The following FRY variants were observed in gnomAD, a reference collection of about 807,000 sequenced individuals.
The protein encoded by FRY is FRY microtubule binding protein.
In FRY, 128 loss-of-function variants were observed where a neutral mutation model predicts 348.4. The ratio of observed to expected loss-of-function variants is 0.37; its 90% CI spans 0.32 to 0.43. FRY has a LOEUF of 0.43. Among genes scored for constraint, FRY ranks in the 20% least tolerant of loss-of-function variants. The pLI, the probability that FRY is intolerant of heterozygous loss-of-function variation, is 1.00. For synonymous variants in FRY, 1,370 were observed against 1,374.7 expected, an observed-to-expected ratio of 1.00 and a Z score of 0.08; for missense variants, 2,736 against 3,695.2, an observed-to-expected ratio of 0.74 and a Z score of 6.73.
rs1470630464 is a variant in FRY, at chr13:32,147,561, T to A, written c.1283+176T>A. Among the ~76,000 whole-genome samples, 3 of 152,214 alleles carry A rather than the reference T, an allele frequency of 2.0e-5. No homozygotes were observed. In the East Asian group the frequency reaches 5.8e-4, roughly 29 times the overall value. On this transcript the variant is annotated intron_variant, in intron 12 of 60. Transcript: ENST00000542859. ...CCATAGTCATTGGCTCAACACCCAT[T>A]ACAAAAGCTCCAGCCTCTACCAGGA...
intron 58 of FRY, among the ~76,000 whole-genome samples, chr13:32,281,531 G>A (rs1409513091): frequency 2.6e-5 from 4 of 152,176 alleles, no homozygotes; most frequent in African/African-American, 4.8e-5. Flanking sequence ...AATGATGGAA[G>A]GGCAAATTCT....
chr13:32,238,045 G>C (rs1886307490), intron 44 of FRY, 59 bp downstream of exon 44: 1 of 1,579,334 alleles, frequency 6.3e-7, no homozygotes, highest in African/African-American at 1.3e-5. Flanking sequence ...TCATCATTTG[G>C]TACAATAAGA....
At chr13:32,122,239 C>T (rs1878705725) in intron 4 of FRY, among the ~76,000 whole-genome samples, 1 of 151,976 alleles carries the variant, frequency 6.6e-6, no homozygotes, top group Non-Finnish European at 1.5e-5. Flanking sequence ...GTCAGAAGAT[C>T]GAGACCATCC....
chr13:32,103,480 G>T (rs1329415399), intron 3 of FRY, among the ~76,000 whole-genome samples: 1 of 152,182 alleles, frequency 6.6e-6, no homozygotes, highest in Non-Finnish European at 1.5e-5. Context: ...CACAGGAAGG[G>T]GAACATCACA....
intron 20 of FRY, among the ~76,000 whole-genome samples, chr13:32,177,437 T>C (rs995607801): frequency 2.0e-5 from 3 of 151,780 alleles, no homozygotes; most frequent in African/African-American, 7.3e-5. Context: ...TAAAAAATAA[T>C]ACAAAAATTA....
chr13:32,274,434 G>A (rs1164701551), intron 55 of FRY, among the ~76,000 whole-genome samples: 1 of 152,060 alleles, frequency 6.6e-6, no homozygotes, highest in Non-Finnish European at 1.5e-5. Context: ...AGGGCCAGAC[G>A]CAGTGGCTCA....
At chr13:32,044,106 A>T (rs1464693095) in intron 1 of FRY, among the ~76,000 whole-genome samples, 2 of 152,238 alleles carry the variant, frequency 1.3e-5, no homozygotes, top group African/African-American at 4.8e-5. Flanking sequence ...CTATTGAATT[A>T]TGCTGTTAGG....
chr13:32,276,573 G>T lies in FRY; in HGVS notation c.8385+11G>T. On this transcript the variant is annotated intron_variant, in intron 57 of 60. Transcript: ENST00000542859. ...GAGGCCACACTCTCTGTAAGCTTTT[G>T]TGTTTCTATGCATATGCAGTCAGTT... is the stretch of plus-strand genomic sequence containing the variant. The T allele has an allele frequency of 7.2e-7, 1 of 1,384,060 alleles. No individual in the cohort carries two copies. The highest frequency in any genetic ancestry group is 1.2e-5 in the South Asian group (1 of 86,328). The allele number at this position is 1,384,060 out of a possible 1,614,324, so 85.7% of individuals were successfully genotyped here. A position where few individuals can be genotyped will look rare whatever the true frequency, so the allele number is the denominator to read the frequency against.
At chr13:32,264,610 T>C (rs1187407224) in intron 53 of FRY, among the ~76,000 whole-genome samples, 2 of 152,202 alleles carry the variant, frequency 1.3e-5, no homozygotes, top group Non-Finnish European at 2.9e-5. Flanking sequence ...CTTTTCCCCC[T>C]GGCCCAGGCC....
At chr13:32,091,508 T>C (rs765765259) in intron 2 of FRY, among the ~76,000 whole-genome samples, 3 of 152,220 alleles carry the variant, frequency 2.0e-5, no homozygotes. Context: ...CATGAAAACA[T>C]TTGGGACCCC....
At chr13:32,090,350 CAAAAAAAAAAAA>C (rs34392238) in intron 2 of FRY, among the ~76,000 whole-genome samples, 4 of 58,808 alleles carry the variant, frequency 6.8e-5, no homozygotes, top group Admixed American at 2.3e-4. Flanking sequence ...GACTCCATCT[CAAAAAAAAAAAA>C]AAAAAAAAAA....
At chr13:32,209,327 C>T (rs1409086161) in intron 32 of FRY, among the ~76,000 whole-genome samples, 3 of 152,020 alleles carry the variant, frequency 2.0e-5, no homozygotes, top group Admixed American at 6.6e-5. Context: ...GCGTATTTTA[C>T]AGCAATTTTA....
chr13:32,292,036 G>A (rs1346953090), intron 59 of FRY: 6 of 451,456 alleles, frequency 1.3e-5, no homozygotes, highest in Non-Finnish European at 2.7e-5. Context: ...AGGCTGGAGT[G>A]CAATGGCACG....
At chr13:32,195,452 C>T (rs1883616659) in intron 29 of FRY, among the ~76,000 whole-genome samples, 1 of 152,184 alleles carries the variant, frequency 6.6e-6, no homozygotes, top group African/African-American at 2.4e-5. Flanking sequence ...AAGTTTTGTT[C>T]ACATGACCCT....
intron 39 of FRY, among the ~76,000 whole-genome samples, chr13:32,227,954 G>C (rs1057290435): frequency 2.6e-5 from 4 of 152,132 alleles, no homozygotes; most frequent in African/African-American, 9.7e-5. Context: ...GTTTCACCAT[G>C]CTAGCCAGGA....
At chr13:32,056,536 C>T (rs1053178689) in intron 1 of FRY, among the ~76,000 whole-genome samples, 5 of 152,172 alleles carry the variant, frequency 3.3e-5, no homozygotes, top group African/African-American at 1.2e-4. Context: ...TTATGGGTTC[C>T]CTGCCCTTAT....
chr13:32,179,503 TTGTGTGTG>T lies in FRY; in HGVS notation c.2872-140_2872-133del, dbSNP rs10628771. 2.7e-3 allele frequency among the ~76,000 whole-genome samples: 374 copies of T among 137,640 alleles called. 2 individuals are homozygous for T. The highest frequency in any genetic ancestry group is 9.7e-3 in the African/African-American group (355 of 36,724). 90.3% of individuals were successfully genotyped at this position (137,640 alleles called of 152,430 possible). Reference sequence around the variant, plus strand: ...TTGCATTCATTTTGCTGTATTAAATTTGTGTGTGTGTGTGTGTGTGTGTGTGTGTGTGT... The same window carrying T: ...TTGCATTCATTTTGCTGTATTAAATTTGTGTGTGTGTGTGTGTGTGTGTGT... On this transcript the variant is annotated intron_variant, in intron 22 of 60. Transcript: ENST00000542859.
In FRY at chr13:32,227,466, C is replaced by A. The variant is rs147769040; in HGVS notation, c.5207-990C>A. Among the ~76,000 whole-genome samples the A allele has an allele frequency of 2.0e-5, 3 of 152,244 alleles. No individual in the cohort carries two copies. In the South Asian group the frequency reaches 6.2e-4, roughly 32 times the overall value. On this transcript the variant is annotated intron_variant, in intron 39 of 60. Coordinates refer to ENST00000542859, the MANE Select transcript of FRY (RefSeq NM_023037.3). The stretch of plus-strand genomic sequence containing the variant: ...TATATCTATCAGACACACACCAGCA[C>A]TACATACTTTTTATGATTATTAAAT...
At chr13:32,153,217 C>G (rs566981282) in intron 14 of FRY, among the ~76,000 whole-genome samples, 6 of 151,654 alleles carry the variant, frequency 4.0e-5, no homozygotes, top group Non-Finnish European at 8.8e-5. Flanking sequence ...CTAGAGAAAT[C>G]AAAACACATG....
Sources: gnomAD v4.1 joint callset for allele counts (sites outside exome capture counted in the v4.1 genomes callset) on GRCh38, gnomAD v4.1.1 for gene constraint, MANE v1.5 for transcripts, NCBI Gene and HGNC (gene_info 2026-07-23, HGNC 2026-07-21) for gene names.